The following PPFIA2 variants were observed in gnomAD, a reference collection of about 807,000 sequenced individuals.
PPFIA2 encodes the protein PPFI scaffold protein A2.
Under a neutral mutation model 175.5 loss-of-function variants are expected in PPFIA2, and 46 were observed. The ratio of observed to expected loss-of-function variants is 0.26; its 90% CI spans 0.21 to 0.34. PPFIA2 has a LOEUF of 0.34. PPFIA2 is among the 10% of genes least tolerant of loss of function. The probability of loss-of-function intolerance (pLI) is 1.00; values close to 1 mark genes in which losing one functional copy is unlikely to be tolerated. For synonymous variants in PPFIA2, 568 were observed against 511.4 expected (o/e 1.11, Z -1.49); for missense variants, 1,179 against 1,506.1 (o/e 0.78, Z 3.60).
chr12:81,390,567 T>C (rs1236279513), intron 8 of PPFIA2, among the ~76,000 whole-genome samples: 1 of 152,052 alleles, frequency 6.6e-6, no homozygotes, highest in East Asian at 1.9e-4. Flanking sequence ...TTCATTTGTA[T>C]ATCTTATTTG....
At chr12:81,630,899 A>ATATATAT (rs1411924550) in intron 4 of PPFIA2, among the ~76,000 whole-genome samples, 3 of 106,448 alleles carry the variant, frequency 2.8e-5, no homozygotes, top group African/African-American at 8.7e-5. Context: ...ATATATATAT[A>ATATATAT]TTTTTTTTTT....
chr12:81,712,667 A>G (rs1302885764), intron 3 of PPFIA2, among the ~76,000 whole-genome samples: 1 of 151,196 alleles, frequency 6.6e-6, no homozygotes, highest in Non-Finnish European at 1.5e-5. Flanking sequence ...ATCGTGATTT[A>G]ACAGGTGCCT....
chr12:81,522,175 C>A (rs2063235276), intron 4 of PPFIA2, among the ~76,000 whole-genome samples: 1 of 152,136 alleles, frequency 6.6e-6, no homozygotes, highest in East Asian at 1.9e-4. Flanking sequence ...TTAAAGCTAG[C>A]TATTGAATTG....
chr12:81,533,544 A>G (rs2153299247), intron 4 of PPFIA2, among the ~76,000 whole-genome samples: 1 of 151,628 alleles, frequency 6.6e-6, no homozygotes, highest in East Asian at 1.9e-4. Context: ...AAAATTCGTG[A>G]ATTTTGGGGG....
At chr12:81,721,438 TAC>T in intron 3 of PPFIA2, among the ~76,000 whole-genome samples, 1 of 149,000 alleles carries the variant, frequency 6.7e-6, no homozygotes, top group African/African-American at 2.4e-5. Flanking sequence ...TAACACCTAA[TAC>T]ACACACACAT....
chr12:81,471,559 G>T (rs1189192786), intron 4 of PPFIA2, among the ~76,000 whole-genome samples: 1 of 151,228 alleles, frequency 6.6e-6, no homozygotes, highest in Non-Finnish European at 1.5e-5. Context: ...TGGACATTTA[G>T]GTTGTTTTAA....
chr12:81,400,378 C>T (rs187620036), intron 8 of PPFIA2, among the ~76,000 whole-genome samples: 2 of 152,236 alleles, frequency 1.3e-5, no homozygotes, highest in African/African-American at 2.4e-5. Flanking sequence ...TTGATAAAGG[C>T]ACATCCCGTA....
chr12:81,314,634 G>A (rs980801529), intron 22 of PPFIA2, among the ~76,000 whole-genome samples: 1 of 151,754 alleles, frequency 6.6e-6, no homozygotes, highest in Admixed American at 6.6e-5. Context: ...TCCTCACCTT[G>A]ATCTTCCAGA....
At chr12:81,332,897 C>T (rs1378904955) in intron 21 of PPFIA2, among the ~76,000 whole-genome samples, 1 of 152,162 alleles carries the variant, frequency 6.6e-6, no homozygotes, top group South Asian at 2.1e-4. Flanking sequence ...CTTCTAGAAT[C>T]TTTAGGCATA....
chr12:81,497,107 T>C (rs2147260405), intron 4 of PPFIA2, among the ~76,000 whole-genome samples: 1 of 152,306 alleles, frequency 6.6e-6, no homozygotes, highest in South Asian at 2.1e-4. Context: ...CATGCTTGGT[T>C]CTTCATGCAT....
At chr12:81,507,985 TA>T (rs993796307) in intron 4 of PPFIA2, among the ~76,000 whole-genome samples, 5 of 151,942 alleles carry the variant, frequency 3.3e-5, no homozygotes, top group Admixed American at 2.6e-4. Context: ...ATTAGACATT[TA>T]AAAAAAATAA....
rs754866150 is a variant in PPFIA2, at chr12:81,347,782, A to G, written c.1995-12T>C. 10 of 1,612,140 alleles carry G rather than the reference A, an allele frequency of 6.2e-6. No individual in the cohort carries two copies. The highest frequency in any genetic ancestry group is 1.7e-5 in the Admixed American group (1 of 59,346). ...CTTCCTGAATTAGCCTGAAAGATAC[A>G]GTTTAATTATGATCCATATATAATT... On this transcript the variant is annotated splice_polypyrimidine_tract_variant and intron_variant, in intron 17 of 32. Transcript: ENST00000549396.
intron 3 of PPFIA2, among the ~76,000 whole-genome samples, chr12:81,699,547 C>T (rs1236349863): frequency 1.8e-5 from 2 of 111,002 alleles, no homozygotes. Context: ...AATATCCTCT[C>T]TAAAACAAAA....
At chr12:81,414,916 C>G (rs2044659218) in intron 7 of PPFIA2, among the ~76,000 whole-genome samples, 1 of 150,778 alleles carries the variant, frequency 6.6e-6, no homozygotes, top group Non-Finnish European at 1.5e-5. Context: ...GAAACCCAAG[C>G]CAGTAACTAT....
chr12:81,581,974 GA>G (rs1226904915), intron 4 of PPFIA2, among the ~76,000 whole-genome samples: 4 of 151,726 alleles, frequency 2.6e-5, no homozygotes, highest in African/African-American at 9.7e-5. Context: ...GAACCTCGGG[GA>G]AATTCAATAT....
intron 4 of PPFIA2, among the ~76,000 whole-genome samples, chr12:81,544,310 T>C (rs1172291142): frequency 6.6e-6 from 1 of 152,138 alleles, no homozygotes; most frequent in African/African-American, 2.4e-5. Context: ...AGAATGTTCA[T>C]TATCTTCCCC....
At chr12:81,500,950 A>C (rs1417459758) in intron 4 of PPFIA2, among the ~76,000 whole-genome samples, 2 of 152,186 alleles carry the variant, frequency 1.3e-5, no homozygotes, top group East Asian at 1.9e-4. Flanking sequence ...AAGAGGTCAA[A>C]ACCGTTGCCA....
In PPFIA2 at chr12:81,384,016, C is replaced by A. The variant is rs528156861; in HGVS notation, c.984+7G>T. 1 of 1,596,048 alleles carries A rather than the reference C, an allele frequency of 6.3e-7. No homozygotes were observed. Among genetic ancestry groups the A allele is most frequent in the East Asian group, 2.2e-5 (1 of 44,504 alleles). ...ATCAAAGACTGAAAGTGGCATGAAT[C>A]ACTTACCTCCCTAATGTCCCTTTGA... On this transcript the variant is annotated splice_region_variant and intron_variant, in intron 9 of 32. Transcript: ENST00000549396.
At chr12:81,504,228 A>C (rs766504765) in intron 4 of PPFIA2, among the ~76,000 whole-genome samples, 1 of 152,146 alleles carries the variant, frequency 6.6e-6, no homozygotes, top group Admixed American at 6.5e-5. Flanking sequence ...AATGGGATAA[A>C]ATTTTTGCAA....
Sources: allele counts gnomAD v4.1 joint callset (sites outside exome capture counted in the v4.1 genomes callset), GRCh38; gene constraint gnomAD v4.1.1; transcripts MANE v1.5; gene names NCBI Gene and HGNC (gene_info 2026-07-23, HGNC 2026-07-21).